The following CLPB variants were observed in gnomAD, a reference collection of about 807,000 sequenced individuals.
The protein encoded by CLPB is ClpB family mitochondrial disaggregase.
CLPB carries 40 observed loss-of-function variants against 78.4 expected under a neutral mutation model. The observed-to-expected ratio is 0.51, with a 90% confidence interval of 0.40 to 0.66. The LOEUF (loss-of-function observed/expected upper bound fraction) is 0.66. CLPB is among the 30% of genes least tolerant of loss of function. CLPB has a pLI of 0.00. For synonymous variants in CLPB, 333 were observed against 348.0 expected, an observed-to-expected ratio of 0.96 and a Z score of 0.48; for missense variants, 780 against 886.9, an observed-to-expected ratio of 0.88 and a Z score of 1.53.
intron 5 of CLPB, among the ~76,000 whole-genome samples, chr11:72,339,326 T>G (rs1401710053): frequency 6.6e-6 from 1 of 152,164 alleles, no homozygotes; most frequent in Non-Finnish European, 1.5e-5. Flanking sequence ...AAAAATAGTT[T>G]AAGGAAGTAG....
chr11:72,331,572 T>G (rs1950227467), intron 5 of CLPB, among the ~76,000 whole-genome samples: 1 of 5,170 alleles, frequency 1.9e-4, no homozygotes, highest in Non-Finnish European at 3.7e-4. Flanking sequence ...TCTTTTCTGT[T>G]TTTTTTTTTT....
chr11:72,316,287 TC>T (rs1271276816), intron 7 of CLPB, among the ~76,000 whole-genome samples: 1 of 152,214 alleles, frequency 6.6e-6, no homozygotes, highest in Non-Finnish European at 1.5e-5. Flanking sequence ...TTTAACAGGT[TC>T]CCAGAAGATA....
intron 4 of CLPB, among the ~76,000 whole-genome samples, chr11:72,379,109 TCCCCGGGGCAGCAACA>T (rs1469557175): frequency 1.3e-5 from 2 of 152,088 alleles, no homozygotes; most frequent in African/African-American, 4.8e-5. Flanking sequence ...AGAAACCTTC[TCCCCGGGGCAGCAACA>T]ACACCGCTAC....
intron 5 of CLPB, among the ~76,000 whole-genome samples, chr11:72,347,463 C>G (rs1950537171): frequency 6.6e-6 from 1 of 152,072 alleles, no homozygotes; most frequent in African/African-American, 2.4e-5. Context: ...TCTCAAAAAC[C>G]AAAAGCTATC....
chr11:72,408,055 T>G (rs767557820), intron 2 of CLPB: 31 of 1,292,058 alleles, frequency 2.4e-5, no homozygotes, highest in Non-Finnish European at 3.2e-5. Flanking sequence ...CATAGGAGTT[T>G]TAGGAGGCAG....
At position 72,329,720 on chromosome 11, in the gene CLPB, G is replaced by A. The variant is rs1318523407; in HGVS notation, c.860C>T (p.Thr287Ile). The A allele has an allele frequency of 6.2e-7, 1 of 1,613,520 alleles. No homozygotes were observed. Among genetic ancestry groups the A allele is most frequent in the South Asian group, 1.1e-5 (1 of 91,054 alleles). Residue 287 changes from threonine to isoleucine, a missense_variant, in exon 6 of 16, where the codon ACT becomes ATT. This residue lies in a region of CLPB where 417 missense variants were observed against 414.7 expected (regional missense o/e 1.01). Transcript: ENST00000538039. ...CCTGAGACTTACCTTGGCTTCAGAA[G>A]TCCTCAGAAGCTTCATCACTTCCCC... Reference protein sequence around the residue: ...REGEVMKLLRTSEAKYQEKQR... With the variant: ...REGEVMKLLRISEAKYQEKQR...
Position 72,398,590 on chromosome 11 carries a change from G to A in CLPB, c.542+4376C>T, listed in dbSNP as rs1009238436. Among the ~76,000 whole-genome samples the A allele has an allele frequency of 2.6e-5, 4 of 152,106 alleles. No homozygotes were observed. In the South Asian group the frequency reaches 8.3e-4, roughly 32 times the overall value. ...AAAAACTAATTGAATTTAGCTGAAG[G>A]CTGTGTATATTTGCACAAGCCGGTG... On this transcript the variant is annotated intron_variant, in intron 3 of 15. Coordinates refer to ENST00000538039, the MANE Select transcript of CLPB (RefSeq NM_001258392.3).
chr11:72,352,655 C>G (rs931819285), intron 5 of CLPB: 2 of 152,234 alleles, frequency 1.3e-5, no homozygotes, highest in African/African-American at 4.8e-5. Flanking sequence ...TTCTACAGAT[C>G]TCCATTAATA....
chr11:72,426,977 G>T (rs561035161), intron 2 of CLPB, among the ~76,000 whole-genome samples: 3 of 152,322 alleles, frequency 2.0e-5, no homozygotes, highest in Admixed American at 6.5e-5. Flanking sequence ...GGATCAGAGT[G>T]GGGGGAAGAG....
chr11:72,294,324 C>T lies in CLPB; in HGVS notation c.1680+1G>A, dbSNP rs1949509568. On this transcript the variant is annotated splice_donor_variant, in intron 14 of 15. Coordinates refer to ENST00000538039, the MANE Select transcript of CLPB (RefSeq NM_001258392.3). LOFTEE classifies it high-confidence loss of function. Reference sequence around the variant, plus strand: ...CCCACCCATGGGCAGTTCCCTCTTACTCTCTTGGCCCAGAAGTTTAGTTCC... The same window carrying T: ...CCCACCCATGGGCAGTTCCCTCTTATTCTCTTGGCCCAGAAGTTTAGTTCC... 1 of 1,614,084 alleles carries T rather than the reference C, an allele frequency of 6.2e-7. No homozygotes were observed. Among genetic ancestry groups the T allele is most frequent in the Non-Finnish European group, 8.5e-7 (1 of 1,180,028 alleles).
intron 5 of CLPB, among the ~76,000 whole-genome samples, chr11:72,353,940 TA>T (rs1438879615): frequency 6.6e-6 from 1 of 151,994 alleles, no homozygotes; most frequent in African/African-American, 2.4e-5. Flanking sequence ...AATTTTTTTT[TA>T]AACGAGTGAG....
intron 6 of CLPB, among the ~76,000 whole-genome samples, chr11:72,320,777 G>A (rs1950029701): frequency 1.3e-5 from 2 of 152,084 alleles, no homozygotes; most frequent in South Asian, 4.1e-4. Context: ...CAATGGCACT[G>A]TGTCGGCTCA....
At chr11:72,320,212 C>G (rs537336143) in intron 6 of CLPB, among the ~76,000 whole-genome samples, 1 of 152,246 alleles carries the variant, frequency 6.6e-6, no homozygotes, top group Non-Finnish European at 1.5e-5. Flanking sequence ...CCCTTTGCCA[C>G]AGGCAAAGTC....
At chr11:72,429,461 G>A (rs2135165095) in intron 2 of CLPB, among the ~76,000 whole-genome samples, 1 of 152,278 alleles carries the variant, frequency 6.6e-6, no homozygotes, top group Non-Finnish European at 1.5e-5. Flanking sequence ...CTGTGGCACT[G>A]GGTGTGGAAA....
chr11:72,331,390 C>T (rs1488124563), intron 5 of CLPB, among the ~76,000 whole-genome samples: 6 of 148,456 alleles, frequency 4.0e-5, no homozygotes, highest in Non-Finnish European at 6.0e-5. Flanking sequence ...GGCGACAGAG[C>T]GAGACTCTGT....
chr11:72,293,921 C>T (rs1949497741), intron 15 of CLPB, 101 bp downstream of exon 15: 2 of 1,034,488 alleles, frequency 1.9e-6, no homozygotes, highest in Non-Finnish European at 2.9e-6. Context: ...TATCCAGCAA[C>T]CAAGCTATAG....
At chr11:72,372,811 A>G in intron 4 of CLPB, 1 of 936,226 alleles carries the variant, frequency 1.1e-6, no homozygotes, top group Non-Finnish European at 1.7e-6. Flanking sequence ...TAGGCTGGGC[A>G]CACAGTGGGT....
chr11:72,354,284 T>C, intron 5 of CLPB: 1 of 390,406 alleles, frequency 2.6e-6, no homozygotes, highest in Non-Finnish European at 4.5e-6. Flanking sequence ...TGTGTATATA[T>C]ATATATATAT....
intron 1 of CLPB, among the ~76,000 whole-genome samples, chr11:72,431,560 C>G (rs1856545748): frequency 6.6e-6 from 1 of 152,208 alleles, no homozygotes; most frequent in Non-Finnish European, 1.5e-5. Flanking sequence ...GACATTGATG[C>G]CTCCTGGCCT....
Sources: allele counts gnomAD v4.1 joint callset (sites outside exome capture counted in the v4.1 genomes callset), GRCh38; gene constraint gnomAD v4.1.1; regional missense constraint gnomAD v4.1.1; transcripts MANE v1.5; gene names NCBI Gene and HGNC (gene_info 2026-07-23, HGNC 2026-07-21).